Variants in SLC1A1 observed in about 807,000 individuals in gnomAD.
SLC1A1 encodes solute carrier family 1 member 1, also known as excitatory amino acid transporter 3.
SLC1A1 carries 43 observed loss-of-function variants against 53.3 expected under a neutral mutation model. The observed-to-expected ratio is 0.81, with a 90% CI of 0.63 to 1.04. SLC1A1 has a LOEUF of 1.04. Ranked by LOEUF, SLC1A1 falls within the 50% of genes least tolerant of loss-of-function variation. The pLI is 0.00. For synonymous variants in SLC1A1, 307 were observed against 243.2 expected (o/e 1.26, Z -2.44); for missense variants, 748 against 664.9 (o/e 1.12, Z -1.37).
chr9:4,575,027 C>G (rs1005584806), intron 8 of SLC1A1, among the ~76,000 whole-genome samples: 1 of 152,184 alleles, frequency 6.6e-6, no homozygotes. Context: ...GATCGTGTCT[C>G]AGCAGTGACG....
At chr9:4,548,424 G>C (rs1220582296) in intron 2 of SLC1A1, among the ~76,000 whole-genome samples, 1 of 152,116 alleles carries the variant, frequency 6.6e-6, no homozygotes, top group Non-Finnish European at 1.5e-5. Flanking sequence ...ACGTAAATTA[G>C]AAGCAGAAAC....
chr9:4,585,195 C>A, intron 11 of SLC1A1, 117 bp from the exon 12 acceptor site: 2 of 1,374,804 alleles, frequency 1.5e-6, no homozygotes, highest in Non-Finnish European at 2.1e-6. Flanking sequence ...GCCATGAGGA[C>A]AGCACTTTCT....
chr9:4,526,468 G>A lies in SLC1A1; in HGVS notation c.92-18099G>A, dbSNP rs114849427. ...GTGAGTAGTAGATGTATAAAGGCATGGACAAAAAGTAGGCTCAAATTAAGT... is the reference window on the plus strand; with the variant it reads ...GTGAGTAGTAGATGTATAAAGGCATAGACAAAAAGTAGGCTCAAATTAAGT... On this transcript the variant is annotated intron_variant, in intron 1 of 11. Coordinates refer to ENST00000262352, the MANE Select transcript of SLC1A1 (RefSeq NM_004170.6). Among the ~76,000 whole-genome samples, 568 of 152,156 alleles carry A rather than the reference G, an allele frequency of 3.7e-3. 1 individual carries two copies. Among genetic ancestry groups the A allele is most frequent in the African/African-American group, 0.013 (538 of 41,482 alleles).
chr9:4,559,329 C>T (rs888640786), intron 2 of SLC1A1, among the ~76,000 whole-genome samples: 1 of 152,082 alleles, frequency 6.6e-6, no homozygotes, highest in African/African-American at 2.4e-5. Flanking sequence ...TGATGAATGG[C>T]GCCTTAACAA....
chr9:4,493,055 G>T (rs1043661039), intron 1 of SLC1A1, among the ~76,000 whole-genome samples: 3 of 152,190 alleles, frequency 2.0e-5, no homozygotes, highest in African/African-American at 7.2e-5. Flanking sequence ...TGCAGACATG[G>T]CCTTTGGTCT....
intron 2 of SLC1A1, among the ~76,000 whole-genome samples, chr9:4,546,699 G>A (rs894206473): frequency 2.0e-5 from 3 of 152,122 alleles, no homozygotes; most frequent in African/African-American, 7.2e-5. Context: ...GTCTTGATAT[G>A]TTGCCCAGGC....
chr9:4,567,548 G>A, intron 5 of SLC1A1, 121 bp from the exon 6 acceptor site: 1 of 704,334 alleles, frequency 1.4e-6, no homozygotes, highest in Non-Finnish European at 2.6e-6. Flanking sequence ...CAGAGGCATT[G>A]GATGTAGATC....
Position 4,490,585 on chromosome 9 carries a change from C to T in SLC1A1, c.-95C>T. The T allele has an allele frequency of 4.1e-6, 4 of 975,990 alleles. No homozygotes were observed. In the East Asian group the frequency reaches 8.0e-5, roughly 19 times the overall value. 60.5% of individuals were successfully genotyped at this position (975,990 alleles called of 1,614,324 possible). On this transcript the variant is annotated 5_prime_UTR_variant, in exon 1 of 12. Coordinates refer to ENST00000262352, the MANE Select transcript of SLC1A1 (RefSeq NM_004170.6). ...CGGCTCTCACCTCTCCCCTGTGCACCCGCATCTCGCCGCGCCGCCGAGCAG... is the reference window on the plus strand; with the variant it reads ...CGGCTCTCACCTCTCCCCTGTGCACTCGCATCTCGCCGCGCCGCCGAGCAG...
intron 6 of SLC1A1, among the ~76,000 whole-genome samples, chr9:4,571,463 G>A (rs1289784017): frequency 6.6e-6 from 1 of 152,122 alleles, no homozygotes; most frequent in African/African-American, 2.4e-5. Flanking sequence ...ATCACCTGAG[G>A]TCAGGAGTTC....
intron 1 of SLC1A1, among the ~76,000 whole-genome samples, chr9:4,532,700 G>A (rs1816520410): frequency 6.6e-6 from 1 of 152,096 alleles, no homozygotes; most frequent in Non-Finnish European, 1.5e-5. Context: ...TCAAATTCAG[G>A]AAATACAGAG....
At chr9:4,558,460 C>T (rs1027046154) in intron 2 of SLC1A1, among the ~76,000 whole-genome samples, 1 of 152,192 alleles carries the variant, frequency 6.6e-6, no homozygotes, top group East Asian at 1.9e-4. Flanking sequence ...AACAAAGACC[C>T]GTGCTGAAAG....
At position 4,574,007 on chromosome 9, in the gene SLC1A1, C is replaced by A. The variant is rs755753856; in HGVS notation, c.868C>A (p.Leu290Met). 1.2e-6 allele frequency: 2 copies of A among 1,601,000 alleles called. No homozygotes were observed. The highest frequency in any genetic ancestry group is 1.3e-5 in the African/African-American group (1 of 74,790). ...GCTGGGCCTTTACATGGCCACAGTC[C>A]TGACTGGGTATGTCAGACTCAAGAG... The part of the protein sequence containing the change: ...RKLGLYMATV[L>M]TGLAIHSIVI... Residue 290 changes from leucine (L) to methionine (M), a missense_variant, in exon 8 of 12, where the codon CTG becomes ATG. Coordinates refer to ENST00000262352, the MANE Select transcript of SLC1A1 (RefSeq NM_004170.6).
At chr9:4,576,427 GT>G (rs1454074476) in intron 9 of SLC1A1, 141 bp from the exon 10 acceptor site, 21 of 772,324 alleles carry the variant, frequency 2.7e-5, no homozygotes, top group South Asian at 2.2e-4. Flanking sequence ...GTTTCATTTT[GT>G]TTTGTTATTT....
At chr9:4,547,376 A>G (rs1281781268) in intron 2 of SLC1A1, among the ~76,000 whole-genome samples, 2 of 152,222 alleles carry the variant, frequency 1.3e-5, no homozygotes, top group East Asian at 3.8e-4. Context: ...GTCAAGAACT[A>G]GAGGCAGCGA....
chr9:4,561,525 C>T lies in SLC1A1; in HGVS notation c.309C>T (p.Leu103=). 4 of 1,585,964 alleles carry T rather than the reference C, an allele frequency of 2.5e-6. No homozygotes were observed. Among genetic ancestry groups the T allele is most frequent in the Non-Finnish European group, 3.5e-6 (4 of 1,154,448 alleles). ...TCGTGTATTATTTCTGTACCACTCTCATTGCTGTTATTCTAGGTAATACTT... is the reference window on the plus strand; with the variant it reads ...TCGTGTATTATTTCTGTACCACTCTTATTGCTGTTATTCTAGGTAATACTT... ...RAVVYYFCTT[L]IAVILGIVLV... The change falls in exon 3 of 12, where the codon CTC becomes CTT. Residue 103 remains leucine, a synonymous_variant. Transcript: ENST00000262352.
At chr9:4,501,764 CCAAAACAAAACAAAA>C (rs140029812) in intron 1 of SLC1A1, among the ~76,000 whole-genome samples, 52 of 150,970 alleles carry the variant, frequency 3.4e-4, no homozygotes, top group Admixed American at 1.7e-3. Flanking sequence ...AACTCCATCT[CCAAAACAAAACAAAA>C]CAAAACAAAA....
chr9:4,527,602 C>A (rs1410960550), intron 1 of SLC1A1, among the ~76,000 whole-genome samples: 1 of 152,162 alleles, frequency 6.6e-6, no homozygotes, highest in Non-Finnish European at 1.5e-5. Context: ...TGGAGATAAT[C>A]AAACCAGGTT....
chr9:4,516,900 C>G (rs1417854223), intron 1 of SLC1A1, among the ~76,000 whole-genome samples: 1 of 152,132 alleles, frequency 6.6e-6, no homozygotes, highest in Admixed American at 6.5e-5. Context: ...TCTTGGTTTT[C>G]TAAACCACCC....
intron 1 of SLC1A1, among the ~76,000 whole-genome samples, chr9:4,502,575 G>A (rs10758624): frequency 0.098 from 14,873 of 151,388 alleles, 907 homozygotes; most frequent in East Asian, 0.17. Context: ...AGTACAATGA[G>A]TTAGGGGGTT....
Sources: gnomAD v4.1 joint callset for allele counts (sites outside exome capture counted in the v4.1 genomes callset) on GRCh38, gnomAD v4.1.1 for gene constraint, MANE v1.5 for transcripts, NCBI Gene and HGNC (gene_info 2026-07-23, HGNC 2026-07-21) for gene names.